CSMD1: variants seen among roughly 807,000 people sequenced by gnomAD.
CSMD1 encodes CUB and Sushi multiple domains 1.
Under a neutral mutation model 417.5 loss-of-function variants are expected in CSMD1, and 213 were observed. The ratio of observed to expected loss-of-function variants is 0.51; its 90% CI spans 0.46 to 0.57. The LOEUF is 0.57. Ranked by LOEUF, CSMD1 falls within the 20% of genes least tolerant of loss-of-function variation. The pLI is 0.00. For missense variants in CSMD1, 6,923 were observed against 4,529.7 expected (o/e 1.53, Z -15.17); for synonymous variants, 2,862 against 1,736.8 (o/e 1.65, Z -16.11).
At chr8:3,111,697 T>G (rs1313186265) in intron 42 of CSMD1, among the ~76,000 whole-genome samples, 1 of 152,046 alleles carries the variant, frequency 6.6e-6, no homozygotes, top group Non-Finnish European at 1.5e-5. Flanking sequence ...CCAGGCGTGG[T>G]GGTGCACGCC....
At chr8:4,776,990 T>A (rs748837600) in intron 1 of CSMD1, among the ~76,000 whole-genome samples, 3 of 152,208 alleles carry the variant, frequency 2.0e-5, no homozygotes, top group Non-Finnish European at 2.9e-5. Flanking sequence ...ATTTAGCGTA[T>A]TCTTGTAAAA....
At chr8:3,768,070 G>A (rs551534533) in intron 5 of CSMD1, among the ~76,000 whole-genome samples, 11 of 152,188 alleles carry the variant, frequency 7.2e-5, no homozygotes, top group African/African-American at 1.9e-4. Flanking sequence ...AGACAGCTAC[G>A]GTCCATATGA....
intron 1 of CSMD1, among the ~76,000 whole-genome samples, chr8:4,819,686 C>G (rs1274836557): frequency 1.3e-5 from 2 of 152,136 alleles, no homozygotes; most frequent in African/African-American, 4.8e-5. Context: ...TTTGTAAATT[C>G]TGTCCCAGTG....
At chr8:4,418,379 C>G (rs895963791) in intron 3 of CSMD1, among the ~76,000 whole-genome samples, 4 of 152,066 alleles carry the variant, frequency 2.6e-5, no homozygotes, top group African/African-American at 7.2e-5. Context: ...ATCATGACCA[C>G]CAGTAAACCC....
intron 3 of CSMD1, among the ~76,000 whole-genome samples, chr8:4,119,682 G>A (rs559372800): frequency 6.6e-6 from 1 of 152,194 alleles, no homozygotes. Context: ...CAGGAAGAGA[G>A]TCCTCCCAGA....
chr8:2,951,583 C>G (rs1215230204), intron 65 of CSMD1, among the ~76,000 whole-genome samples: 1 of 152,146 alleles, frequency 6.6e-6, no homozygotes. Flanking sequence ...ACTGGTACTT[C>G]TAATGCTAGT....
At chr8:3,120,240 G>T (rs1209935834) in intron 41 of CSMD1, among the ~76,000 whole-genome samples, 1 of 152,070 alleles carries the variant, frequency 6.6e-6, no homozygotes, top group African/African-American at 2.4e-5. Context: ...GCTTGATGCG[G>T]GATTACTCAG....
intron 3 of CSMD1, among the ~76,000 whole-genome samples, chr8:4,226,995 G>T (rs888405184): frequency 6.6e-6 from 1 of 152,108 alleles, no homozygotes; most frequent in Non-Finnish European, 1.5e-5. Flanking sequence ...AAAACTAAAG[G>T]GGGTAAATCC....
intron 23 of CSMD1, among the ~76,000 whole-genome samples, chr8:3,312,388 T>G (rs1805418235): frequency 6.6e-6 from 1 of 152,194 alleles, no homozygotes; most frequent in Non-Finnish European, 1.5e-5. Context: ...TTAAATTTAT[T>G]ATCTTGTAAA....
At chr8:3,310,951 A>C (rs2406350) in intron 23 of CSMD1, among the ~76,000 whole-genome samples, 45,749 of 152,140 alleles carry the variant, frequency 0.3, 7,961 homozygotes, top group South Asian at 0.49. Flanking sequence ...GCTTTGAAAC[A>C]CATCTGCTGG....
At chr8:4,423,028 C>T (rs1004302826) in intron 2 of CSMD1, among the ~76,000 whole-genome samples, 1 of 151,728 alleles carries the variant, frequency 6.6e-6, no homozygotes, top group East Asian at 1.9e-4. Context: ...GAATCTTCTC[C>T]AACTTGACAA....
intron 5 of CSMD1, among the ~76,000 whole-genome samples, chr8:3,841,264 C>T (rs370646133): frequency 1.4e-4 from 22 of 152,070 alleles, no homozygotes; most frequent in African/African-American, 5.3e-4. Context: ...AGTTCATGAG[C>T]TTGATTTTGA....
At chr8:3,144,374 T>G (rs62490184) in intron 40 of CSMD1, among the ~76,000 whole-genome samples, 30,271 of 151,848 alleles carry the variant, frequency 0.2, 3,917 homozygotes, top group South Asian at 0.45. Flanking sequence ...CAACCTAGAT[T>G]GAAAGAGGAT....
At chr8:4,364,450 A>T (rs539646083) in intron 3 of CSMD1, among the ~76,000 whole-genome samples, 2 of 152,300 alleles carry the variant, frequency 1.3e-5, no homozygotes, top group South Asian at 2.1e-4. Context: ...TGTTTTTTCC[A>T]AAGTAATCTA....
intron 3 of CSMD1, among the ~76,000 whole-genome samples, chr8:4,379,539 G>C (rs1802967425): frequency 6.6e-6 from 1 of 152,174 alleles, no homozygotes; most frequent in African/African-American, 2.4e-5. Flanking sequence ...TATATAGGAT[G>C]TCTGTATTAT....
intron 10 of CSMD1, among the ~76,000 whole-genome samples, chr8:3,563,238 G>C (rs1157457724): frequency 6.6e-6 from 1 of 151,458 alleles, no homozygotes; most frequent in Non-Finnish European, 1.5e-5. Flanking sequence ...TGACATCTCC[G>C]CACAAACCGG....
chr8:4,707,717 T>C (rs1397451051), intron 1 of CSMD1, among the ~76,000 whole-genome samples: 1 of 151,502 alleles, frequency 6.6e-6, no homozygotes, highest in Admixed American at 6.6e-5. Flanking sequence ...TCAAACCCCA[T>C]CTCTACTAAA....
intron 51 of CSMD1, among the ~76,000 whole-genome samples, chr8:3,022,233 G>T (rs964447038): frequency 6.7e-6 from 1 of 150,080 alleles, no homozygotes; most frequent in Non-Finnish European, 1.5e-5. Flanking sequence ...GAATACACCC[G>T]CAATCCCACA....
chr8:3,493,506 G>T, intron 11 of CSMD1, 117 bp downstream of exon 11: 1 of 720,660 alleles, frequency 1.4e-6, no homozygotes, highest in Non-Finnish European at 2.3e-6. Flanking sequence ...ATTAGCCATA[G>T]ATGGCACTAA....
Sources: allele counts gnomAD v4.1 joint callset (sites outside exome capture counted in the v4.1 genomes callset), GRCh38; gene constraint gnomAD v4.1.1; transcripts MANE v1.5; gene names NCBI Gene and HGNC (gene_info 2026-07-23, HGNC 2026-07-21).